The following SETMAR variants were observed in gnomAD, a reference collection of about 807,000 sequenced individuals.
SETMAR encodes SET and mariner transposase domain methyltransferase.
Under a neutral mutation model 58.4 loss-of-function variants are expected in SETMAR, and 44 were observed. That is an observed-to-expected ratio of 0.75 (90% CI 0.59 to 0.97). SETMAR has a LOEUF of 0.97. SETMAR is among the 50% of genes least tolerant of loss of function. The probability of loss-of-function intolerance (pLI) is 0.00; values close to 1 mark genes in which losing one functional copy is unlikely to be tolerated. For missense variants in SETMAR, 903 were observed against 840.2 expected (o/e 1.07, Z -0.92); for synonymous variants, 332 against 307.4 (o/e 1.08, Z -0.84).
intron 2 of SETMAR, among the ~76,000 whole-genome samples, chr3:4,315,576 C>G (rs1559219976): frequency 2.0e-5 from 3 of 152,132 alleles, no homozygotes; most frequent in African/African-American, 2.4e-5. Context: ...AGGTAAGAGT[C>G]AAAGAGTCTT....
chr3:4,316,381 A>G lies in SETMAR; in HGVS notation c.1190A>G (p.Asp397Gly), dbSNP rs1698646023. Reference sequence around the variant, plus strand: ...TGGTTCAAGAAGTTTTGCAAAGGAGATGAGAGCCTTGAAGATGAGGAGCGT... The same window carrying G: ...TGGTTCAAGAAGTTTTGCAAAGGAGGTGAGAGCCTTGAAGATGAGGAGCGT... ...QWWFKKFCKGDESLEDEERSG... is the reference protein window; with the variant it reads ...QWWFKKFCKGGESLEDEERSG... Residue 397 changes from aspartate to glycine, a missense_variant, in exon 3 of 3, where the codon GAT becomes GGT. Physicochemically the swap from Asp to Gly is moderately conservative, Grantham distance 94. Transcript: ENST00000358065. The G allele has an allele frequency of 6.4e-7, 1 of 1,556,364 alleles. No homozygotes were observed. The highest frequency in any genetic ancestry group is 2.4e-5 in the East Asian group (1 of 41,618).
Position 4,316,738 on chromosome 3 carries a change from A to C in SETMAR, c.1547A>C (p.Glu516Ala). Residue 516 changes from glutamate (E) to alanine (A), a missense_variant, in exon 3 of 3, where the codon GAA (glutamate) becomes GCA (alanine). Transcript: ENST00000358065. ...TCAGCTCAGTGGTTGGATCAAGAAG[A>C]AGCTCCAAAGCACTTCCCAAAGCCA... ...RRSAQWLDQE[E>A]APKHFPKPIL... The C allele has an allele frequency of 1.9e-6, 3 of 1,550,834 alleles. No homozygotes were observed. Among genetic ancestry groups the C allele is most frequent in the Non-Finnish European group, 2.6e-6 (3 of 1,146,770 alleles).
At position 4,313,318 on chromosome 3, in the gene SETMAR, A is replaced by C; in HGVS notation, c.577A>C (p.Ile193Leu). 2 of 1,614,102 alleles carry C rather than the reference A, an allele frequency of 1.2e-6. No individual in the cohort carries two copies. Among genetic ancestry groups the C allele is most frequent in the Non-Finnish European group, 1.7e-6 (2 of 1,179,992 alleles). The change falls in exon 2 of 3, where the codon ATT becomes CTT. Residue 193 changes from isoleucine (I) to leucine (L), a missense_variant. Coordinates refer to ENST00000358065, the MANE Select transcript of SETMAR (RefSeq NM_006515.4). ...ACAAACAAAATCCGACTCCAATTACATTATAGCCATCAGGGAACATGTTTA... is the reference window on the plus strand; with the variant it reads ...ACAAACAAAATCCGACTCCAATTACCTTATAGCCATCAGGGAACATGTTTA... Reference protein sequence around the residue: ...HLQTKSDSNYIIAIREHVYNG... With the variant: ...HLQTKSDSNYLIAIREHVYNG...
chr3:4,314,302 A>T (rs184140541), intron 2 of SETMAR: 1 of 153,886 alleles, frequency 6.5e-6, no homozygotes, highest in East Asian at 1.9e-4. Flanking sequence ...ACTAACATCG[A>T]ACCTAATAAT....
rs1299798816 is a variant in SETMAR at position 4,303,530 on chromosome 3, G to A, written c.156+4G>A. 26 of 1,400,360 alleles carry A rather than the reference G, an allele frequency of 1.9e-5. No individual in the cohort carries two copies. The highest frequency in any genetic ancestry group is 2.1e-5 in the Non-Finnish European group (23 of 1,081,770). 86.7% of individuals were successfully genotyped at this position (1,400,360 alleles called of 1,614,324 possible). ...GGCCGCGCCGGCGCCCTTCCAGGTA[G>A]GGGCGGGGCCAGGCGGCGCGGGAGG... On this transcript the variant is annotated splice_donor_region_variant and intron_variant, in intron 1 of 2. Transcript: ENST00000358065.
In SETMAR at chr3:4,313,321, A is replaced by G. The variant is rs202027844; in HGVS notation, c.580A>G (p.Ile194Val). The G allele has an allele frequency of 6.4e-5, 104 of 1,614,072 alleles. No individual in the cohort carries two copies. Among genetic ancestry groups the G allele is most frequent in the Non-Finnish European group, 5.2e-5 (61 of 1,179,980 alleles). Residue 194 changes from isoleucine to valine, a missense_variant, in exon 2 of 3, where the codon ATA (isoleucine) becomes GTA (valine). Ile to Val is a conservative substitution (Grantham distance 29, BLOSUM62 3). Coordinates refer to ENST00000358065, the MANE Select transcript of SETMAR (RefSeq NM_006515.4). ...LQTKSDSNYI[I>V]AIREHVYNGQ... ...AACAAAATCCGACTCCAATTACATTATAGCCATCAGGGAACATGTTTATAA... is the reference window on the plus strand; with the variant it reads ...AACAAAATCCGACTCCAATTACATTGTAGCCATCAGGGAACATGTTTATAA...
intron 1 of SETMAR, among the ~76,000 whole-genome samples, chr3:4,306,514 A>T (rs578150686): frequency 6.6e-6 from 1 of 152,220 alleles, no homozygotes; most frequent in East Asian, 1.9e-4. Context: ...TGTTCTAACT[A>T]TCTCTGTATA....
At chr3:4,308,008 G>A (rs1698258064) in intron 1 of SETMAR, among the ~76,000 whole-genome samples, 1 of 152,008 alleles carries the variant, frequency 6.6e-6, no homozygotes, top group African/African-American at 2.4e-5. Flanking sequence ...TTGCACTCCA[G>A]ACTGGGCAGC....
In SETMAR at chr3:4,313,777, G is replaced by A; in HGVS notation, c.1020+16G>A. The A allele has an allele frequency of 1.2e-6, 2 of 1,613,822 alleles. No homozygotes were observed. The highest frequency in any genetic ancestry group is 1.7e-6 in the Non-Finnish European group (2 of 1,179,832). ...GACCCTTGAGGTGAGTCTGTTCAGT[G>A]ATAAGCAGCTTGCCCCTCCCTATAG... On this transcript the variant is annotated intron_variant, in intron 2 of 2. Coordinates refer to ENST00000358065, the MANE Select transcript of SETMAR (RefSeq NM_006515.4).
rs189207238 is a variant in SETMAR at position 4,316,906 on chromosome 3, G to T, written c.1715G>T (p.Arg572Leu). 9 of 1,549,378 alleles carry T rather than the reference G, an allele frequency of 5.8e-6. No homozygotes were observed. The highest frequency in any genetic ancestry group is 7.8e-6 in the Non-Finnish European group (9 of 1,146,742). ...EIDEMNQKLQ[R>L]LQLALVNRKG... is the part of the protein sequence containing the mutation. ...GATGAGATGAACCAAAAACTGCAAC[G>T]CCTGCAGCTGGCATTGGTCAACAGA... The change falls in exon 3 of 3, where the codon CGC (arginine) becomes CTC (leucine). Residue 572 changes from arginine (R) to leucine (L), a missense_variant. Coordinates refer to ENST00000358065, the MANE Select transcript of SETMAR (RefSeq NM_006515.4).
chr3:4,307,076 G>A (rs1164045381), intron 1 of SETMAR, among the ~76,000 whole-genome samples: 1 of 152,172 alleles, frequency 6.6e-6, no homozygotes, highest in African/African-American at 2.4e-5. Flanking sequence ...TATGAGGCTA[G>A]AGGCCAAGTA....
At position 4,316,452 on chromosome 3, in the gene SETMAR, A is replaced by T. The variant is rs577842706; in HGVS notation, c.1261A>T (p.Ile421Phe). ...TGACAACGACCAGTTGAGAGCAATCATCGAAGCTGATCCCCTTACAACTAC... is the reference window on the plus strand; with the variant it reads ...TGACAACGACCAGTTGAGAGCAATCTTCGAAGCTGATCCCCTTACAACTAC... The part of the protein sequence containing the change: ...EVDNDQLRAI[I>F]EADPLTTTRE... The change falls in exon 3 of 3, where the codon ATC becomes TTC. Residue 421 changes from isoleucine to phenylalanine, a missense_variant. By Grantham distance (21) the Ile-to-Phe change is conservative (BLOSUM62 0). Coordinates refer to ENST00000358065, the MANE Select transcript of SETMAR (RefSeq NM_006515.4). 2 of 1,602,934 alleles carry T rather than the reference A, an allele frequency of 1.2e-6. No homozygotes were observed. The highest frequency in any genetic ancestry group is 1.7e-4 in the Middle Eastern group (1 of 5,880).
chr3:4,307,634 C>T (rs757149270), intron 1 of SETMAR, among the ~76,000 whole-genome samples: 1 of 152,192 alleles, frequency 6.6e-6, no homozygotes, highest in Non-Finnish European at 1.5e-5. Context: ...TCCAGTATAT[C>T]ATTTTGCCGT....
chr3:4,303,570 C>A (rs1176674030), intron 1 of SETMAR, 44 bp downstream of exon 1: 2 of 1,340,524 alleles, frequency 1.5e-6, no homozygotes, highest in Non-Finnish European at 1.9e-6. Flanking sequence ...CGCGCGGCTC[C>A]CCCACGTGGT....
chr3:4,312,931 G>C lies in SETMAR; in HGVS notation c.190G>C (p.Asp64His). The C allele has an allele frequency of 6.2e-7, 1 of 1,613,364 alleles. No individual in the cohort carries two copies. The highest frequency in any genetic ancestry group is 8.5e-7 in the Non-Finnish European group (1 of 1,179,508). ...TGATCATGTAGTTGGACCTGGAGCA[G>C]ACATTGATCCCACTCAAATAACCTT... ...TPDHVVGPGA[D>H]IDPTQITFPG... The change falls in exon 2 of 3, where the codon GAC (aspartate) becomes CAC (histidine). Residue 64 changes from aspartate (D) to histidine (H), a missense_variant. Coordinates refer to ENST00000358065, the MANE Select transcript of SETMAR (RefSeq NM_006515.4).
Position 4,313,201 on chromosome 3 carries a change from C to G in SETMAR, c.460C>G (p.Arg154Gly). 1 of 1,613,890 alleles carries G rather than the reference C, an allele frequency of 6.2e-7. No individual in the cohort carries two copies. The highest frequency in any genetic ancestry group is 8.5e-7 in the Non-Finnish European group (1 of 1,179,970). Residue 154 changes from arginine to glycine, a missense_variant, in exon 2 of 3, where the codon CGT becomes GGT. Coordinates refer to ENST00000358065, the MANE Select transcript of SETMAR (RefSeq NM_006515.4). ...FKTHKKGWGL[R>G]TLEFIPKGRF... The stretch of plus-strand genomic sequence containing the variant: ...GACGCATAAAAAAGGCTGGGGACTT[C>G]GTACCTTGGAATTTATACCGAAAGG...
Position 4,313,458 on chromosome 3 carries a change from A to G in SETMAR, c.717A>G (p.Ser239=). ...NLLMIPVRID[S]MVPKLALFAA... ...TGATGATTCCTGTCCGAATTGACTC[A>G]ATGGTACCTAAGTTGGCACTTTTTG... The change falls in exon 2 of 3, where the codon TCA becomes TCG. Residue 239 remains serine (S), a synonymous_variant. Transcript: ENST00000358065. 1 of 1,614,016 alleles carries G rather than the reference A, an allele frequency of 6.2e-7. No individual in the cohort carries two copies. The highest frequency in any genetic ancestry group is 1.1e-5 in the South Asian group (1 of 91,072).
rs754431337 is a variant in SETMAR, at chr3:4,303,433, T to C, written c.63T>C (p.Pro21=). The C allele has an allele frequency of 6.4e-6, 10 of 1,554,462 alleles. No homozygotes were observed. Among genetic ancestry groups the C allele is most frequent in the Non-Finnish European group, 7.8e-6 (9 of 1,155,194 alleles). Residue 21 remains proline (P), a synonymous_variant, in exon 1 of 3, where the codon CCT becomes CCC. Coordinates refer to ENST00000358065, the MANE Select transcript of SETMAR (RefSeq NM_006515.4). ...PCGMAEFKEK[P]EAPTEQLDVA... is the part of the protein sequence containing the mutation. ...GGATGGCGGAGTTTAAGGAGAAGCC[T>C]GAGGCCCCGACTGAGCAGCTGGATG...
At chr3:4,312,193 T>C (rs1210510538) in intron 1 of SETMAR, among the ~76,000 whole-genome samples, 1 of 152,206 alleles carries the variant, frequency 6.6e-6, no homozygotes. Context: ...TCTATGACTT[T>C]CTTATCCCCA....
Sources: gnomAD v4.1 joint callset for allele counts (sites outside exome capture counted in the v4.1 genomes callset) on GRCh38, gnomAD v4.1.1 for gene constraint, MANE v1.5 for transcripts, NCBI Gene and HGNC (gene_info 2026-07-23, HGNC 2026-07-21) for gene names.